HBE1: variants seen among roughly 807,000 people sequenced by gnomAD.
HBE1 encodes the protein hemoglobin subunit epsilon.
A neutral mutation model predicts 12.1 loss-of-function variants in HBE1; 10 were observed. The observed-to-expected ratio is 0.83, with a 90% confidence interval of 0.51 to 1.40. HBE1 has a LOEUF of 1.40. HBE1 is among the 40% of genes most tolerant of loss of function. The pLI is 0.00. For missense variants in HBE1, 172 were observed against 175.8 expected, an observed-to-expected ratio of 0.98 and a Z score of 0.12; for synonymous variants, 78 against 70.4, an observed-to-expected ratio of 1.11 and a Z score of -0.54.
In HBE1 at chr11:5,268,466, A is replaced by G. The variant is rs991154131; in HGVS notation, c.*3T>C. The G allele has an allele frequency of 6.2e-7, 1 of 1,613,104 alleles. No individual in the cohort carries two copies. The highest frequency in any genetic ancestry group is 8.5e-7 in the Non-Finnish European group (1 of 1,179,306). Reference sequence around the variant, plus strand: ...CAGGAACACCTGCAAACTGGAAGAGAACTCAGTGGTACTTATGGGCCAGGG... The same window carrying G: ...CAGGAACACCTGCAAACTGGAAGAGGACTCAGTGGTACTTATGGGCCAGGG... On this transcript the variant is annotated 3_prime_UTR_variant, in exon 3 of 3. Transcript: ENST00000396895.
At chr11:5,269,343 G>A in intron 2 of HBE1, 111 bp downstream of exon 2, 1 of 852,896 alleles carries the variant, frequency 1.2e-6, no homozygotes, top group Non-Finnish European at 2.0e-6. Flanking sequence ...CTAACATCAA[G>A]CTCGACCCAT....
intron 2 of HBE1, 131 bp downstream of exon 2, chr11:5,269,323 G>T: frequency 2.7e-6 from 2 of 749,150 alleles, no homozygotes. Flanking sequence ...CTCACTAGAA[G>T]TCTGCTGTTC....
Position 5,268,406 on chromosome 11 carries a change from C to G in HBE1, c.*63G>C. ...GAAGGCTTTCTCTCAAGGCCAAGCCCAGTCCCCATGTGCAGAAGGAGGGTG... is the reference window on the plus strand; with the variant it reads ...GAAGGCTTTCTCTCAAGGCCAAGCCGAGTCCCCATGTGCAGAAGGAGGGTG... On this transcript the variant is annotated 3_prime_UTR_variant, in exon 3 of 3. Transcript: ENST00000396895. 1.3e-6 allele frequency: 2 copies of G among 1,503,390 alleles called. No homozygotes were observed. Among genetic ancestry groups the G allele is most frequent in the Non-Finnish European group, 1.8e-6 (2 of 1,094,576 alleles). The allele number at this position is 1,503,390 out of a possible 1,614,324, so 93.1% of individuals were successfully genotyped here.
Position 5,269,591 on chromosome 11 carries a change from T to A in HBE1, c.178A>T (p.Lys60Ter). The change falls in exon 2 of 3, where the codon AAG (lysine) becomes TAG (stop). Residue 60 changes from lysine to a stop codon, truncating the protein, a stop_gained. Coordinates refer to ENST00000396895, the MANE Select transcript of HBE1 (RefSeq NM_005330.4). LOFTEE classifies it high-confidence loss of function. ...SSPSAILGNP[K>*]VKAHGKKVLT... Reference sequence around the variant, plus strand: ...ACCTTCTTGCCATGGGCCTTGACCTTGGGGTTGCCCAGGATGGCAGAGGGA... The same window carrying A: ...ACCTTCTTGCCATGGGCCTTGACCTAGGGGTTGCCCAGGATGGCAGAGGGA... 6.2e-7 allele frequency: 1 copy of A among 1,613,930 alleles called. No homozygotes were observed. The highest frequency in any genetic ancestry group is 8.5e-7 in the Non-Finnish European group (1 of 1,179,870).
chr11:5,269,761 T>A (rs1848171476), intron 1 of HBE1, 38 bp downstream of exon 1: 1 of 1,573,160 alleles, frequency 6.4e-7, no homozygotes. Context: ...AGGGTAATAT[T>A]CACCCTTCAT....
At position 5,269,669 on chromosome 11, in the gene HBE1, C is replaced by T. The variant is rs140108583; in HGVS notation, c.100G>A (p.Val34Ile). ...AGGEALGRLL[V>I]VYPWTQRFFD... is the part of the protein sequence containing the mutation. ...AATCTCTGGGTCCAGGGGTAAACAA[C>T]GAGGAGTCTATGAAATGACACCATA... The change falls in exon 2 of 3, where the codon GTT becomes ATT. Residue 34 changes from valine (V) to isoleucine (I), a missense_variant. Coordinates refer to ENST00000396895, the MANE Select transcript of HBE1 (RefSeq NM_005330.4). 8.1e-5 allele frequency: 130 copies of T among 1,611,710 alleles called. No individual in the cohort carries two copies. The highest frequency in any genetic ancestry group is 1.6e-4 in the Middle Eastern group (1 of 6,076).
Position 5,269,543 on chromosome 11 carries a change from T to C in HBE1, c.226A>G (p.Ile76Val), listed in dbSNP as rs79612490. Residue 76 changes from isoleucine (I) to valine (V), a missense_variant, in exon 2 of 3, where the codon ATT (isoleucine) becomes GTT (valine). By Grantham distance (29) the Ile-to-Val change is conservative (BLOSUM62 3). Transcript: ENST00000396895. The part of the protein sequence containing the change: ...KKVLTSFGDA[I>V]KNMDNLKPAF... ...GGCTTGAGGTTGTCCATGTTTTTAA[T>C]AGCATCTCCAAAGGAAGTCAGCACC... The C allele has an allele frequency of 2.7e-4, 439 of 1,614,038 alleles. No homozygotes were observed. The African/African-American group carries it at 4.6e-3, about 17-fold the overall frequency.
In HBE1 at chr11:5,268,567, C is replaced by G. The variant is rs563869370; in HGVS notation, c.346G>C (p.Ala116Pro). The G allele has an allele frequency of 1.2e-6, 2 of 1,613,082 alleles. No homozygotes were observed. Among genetic ancestry groups the G allele is most frequent in the East Asian group, 4.5e-5 (2 of 44,836 alleles). ...LLGNVMVIIL[A>P]THFGKEFTPE... The stretch of plus-strand genomic sequence containing the variant: ...GTGAACTCCTTGCCAAAGTGAGTAG[C>G]CAGAATAATCACCATCACGTTACCC... The change falls in exon 3 of 3, where the codon GCT (alanine) becomes CCT (proline). Residue 116 changes from alanine (A) to proline (P), a missense_variant. Ala to Pro is a conservative substitution (Grantham distance 27, BLOSUM62 -1). Coordinates refer to ENST00000396895, the MANE Select transcript of HBE1 (RefSeq NM_005330.4).
At position 5,268,483 on chromosome 11, in the gene HBE1, G is replaced by A. The variant is rs149544151; in HGVS notation, c.430C>T (p.His144Tyr). 9 of 1,613,666 alleles carry A rather than the reference G, an allele frequency of 5.6e-6. No individual in the cohort carries two copies. The highest frequency in any genetic ancestry group is 6.8e-6 in the Non-Finnish European group (8 of 1,179,780). ...LVSAVAIALA[H>Y]KYH ...TGGAAGAGAACTCAGTGGTACTTAT[G>A]GGCCAGGGCAATGGCGACAGCAGAC... Residue 144 changes from histidine (H) to tyrosine (Y), a missense_variant, in exon 3 of 3, where the codon CAT becomes TAT. Coordinates refer to ENST00000396895, the MANE Select transcript of HBE1 (RefSeq NM_005330.4).
Position 5,268,471 on chromosome 11 carries a change from A to G in HBE1, c.442T>C (p.Ter148ArgextTer39), listed in dbSNP as rs372503060. The change falls in exon 3 of 3, where the codon TGA (stop) becomes CGA (arginine). Residue 148 changes from the stop codon to arginine, a stop_lost. Transcript: ENST00000396895. ...ACACCTGCAAACTGGAAGAGAACTC[A>G]GTGGTACTTATGGGCCAGGGCAATG... ...VAIALAHKYH[*>R] 10 of 1,613,562 alleles carry G rather than the reference A, an allele frequency of 6.2e-6. No homozygotes were observed. In the African/African-American group the frequency reaches 1.2e-4, roughly 19 times the overall value.
At position 5,268,398 on chromosome 11, in the gene HBE1, G is replaced by C. The variant is rs546038944; in HGVS notation, c.*71C>G. On this transcript the variant is annotated 3_prime_UTR_variant, in exon 3 of 3. Transcript: ENST00000396895. ...ATTAAACAGAAGGCTTTCTCTCAAG[G>C]CCAAGCCCAGTCCCCATGTGCAGAA... The C allele has an allele frequency of 7.0e-7, 1 of 1,429,426 alleles. No homozygotes were observed. Among genetic ancestry groups the C allele is most frequent in the South Asian group, 1.3e-5 (1 of 76,974 alleles). The allele number at this position is 1,429,426 out of a possible 1,614,324, so 88.5% of individuals were successfully genotyped here. A position where few individuals can be genotyped will look rare whatever the true frequency, so the allele number is the denominator to read the frequency against.
In HBE1 at chr11:5,269,782, T is replaced by A; in HGVS notation, c.92+17A>T. 1 of 1,597,244 alleles carries A rather than the reference T, an allele frequency of 6.3e-7. No homozygotes were observed. Among genetic ancestry groups the A allele is most frequent in the Non-Finnish European group, 8.6e-7 (1 of 1,164,712 alleles). ...ATATTCACCCTTCATTCCCATGCAT[T>A]GAGAACCAATGCTTACCTGCCCAAG... On this transcript the variant is annotated intron_variant, in intron 1 of 2. Transcript: ENST00000396895.
chr11:5,269,893 T>C lies in HBE1; in HGVS notation c.-3A>G. The C allele has an allele frequency of 6.2e-7, 1 of 1,608,252 alleles. No individual in the cohort carries two copies. Among genetic ancestry groups the C allele is most frequent in the Non-Finnish European group, 8.5e-7 (1 of 1,174,984 alleles). On this transcript the variant is annotated 5_prime_UTR_variant, in exon 1 of 3. Coordinates refer to ENST00000396895, the MANE Select transcript of HBE1 (RefSeq NM_005330.4). The stretch of plus-strand genomic sequence containing the variant: ...TCCTCAGCAGTAAAATGCACCATGA[T>C]GCCAGGCCTGAGAGCTTGCTAGTGA...
intron 2 of HBE1, 64 bp from the exon 3 acceptor site, chr11:5,268,661 A>T: frequency 7.1e-7 from 1 of 1,408,098 alleles, no homozygotes; most frequent in Non-Finnish European, 9.6e-7. Flanking sequence ...AAACAACTTG[A>T]TGAAAAAACA....
intron 2 of HBE1, among the ~76,000 whole-genome samples, chr11:5,269,212 C>T (rs1429316192): frequency 6.6e-6 from 1 of 152,066 alleles, no homozygotes; most frequent in Admixed American, 6.5e-5. Context: ...CTGGGATAAA[C>T]ACATCAAGTT....
At position 5,268,510 on chromosome 11, in the gene HBE1, C is replaced by G. The variant is rs1159560307; in HGVS notation, c.403G>C (p.Val135Leu). 8 of 1,613,820 alleles carry G rather than the reference C, an allele frequency of 5.0e-6. No homozygotes were observed. The Admixed American group carries it at 6.7e-5, about 13-fold the overall frequency. The change falls in exon 3 of 3, where the codon GTG becomes CTG. Residue 135 changes from valine to leucine, a missense_variant. By Grantham distance (32) the Val-to-Leu change is conservative. Transcript: ENST00000396895. ...PEVQAAWQKL[V>L]SAVAIALAHK... is the part of the protein sequence containing the mutation. ...GCCAGGGCAATGGCGACAGCAGACA[C>G]CAGCTTCTGCCAGGCAGCCTGCACT...
At chr11:5,268,790 G>A (rs1848161449) in intron 2 of HBE1, among the ~76,000 whole-genome samples, 193 bp from the exon 3 acceptor site, 1 of 152,082 alleles carries the variant, frequency 6.6e-6, no homozygotes, top group Admixed American at 6.6e-5. Flanking sequence ...TTTATTCTAT[G>A]AGCCCTACAT....
chr11:5,269,809 C>T lies in HBE1; in HGVS notation c.82G>A (p.Ala28Thr), dbSNP rs1446940148. ...KMNVEEAGGE[A>T]LGRLLVVYPW... Reference sequence around the variant, plus strand: ...AGAACCAATGCTTACCTGCCCAAGGCTTCACCTCCAGCCTCTTCCACATTC... The same window carrying T: ...AGAACCAATGCTTACCTGCCCAAGGTTTCACCTCCAGCCTCTTCCACATTC... The change falls in exon 1 of 3, where the codon GCC becomes ACC. Residue 28 changes from alanine (A) to threonine (T), a missense_variant. Physicochemically the swap from Ala to Thr is moderately conservative, Grantham distance 58 (BLOSUM62 0). Transcript: ENST00000396895. 1 of 1,612,910 alleles carries T rather than the reference C, an allele frequency of 6.2e-7. No individual in the cohort carries two copies. The highest frequency in any genetic ancestry group is 8.5e-7 in the Non-Finnish European group (1 of 1,179,012).
chr11:5,269,334 T>C (rs1848166262), intron 2 of HBE1, 120 bp downstream of exon 2: 1 of 805,358 alleles, frequency 1.2e-6, no homozygotes, highest in African/African-American at 1.7e-5. Flanking sequence ...TCTGCTGTTC[T>C]AACATCAAGC....
Sources: allele counts gnomAD v4.1 joint callset (sites outside exome capture counted in the v4.1 genomes callset), GRCh38; gene constraint gnomAD v4.1.1; transcripts MANE v1.5; gene names NCBI Gene and HGNC (gene_info 2026-07-23, HGNC 2026-07-21).